The following PDGFRL variants were observed in gnomAD, a reference collection of about 807,000 sequenced individuals.
PDGFRL encodes platelet-derived growth factor receptor-like protein.
In PDGFRL, 46 loss-of-function variants were observed where a neutral mutation model predicts 37.2. The observed-to-expected ratio is 1.24, with a 90% CI of 0.98 to 1.58. PDGFRL has a LOEUF of 1.58. PDGFRL is among the 40% of genes most tolerant of loss of function. The pLI is 0.00. For missense variants in PDGFRL, 692 were observed against 467.6 expected (o/e 1.48, Z -4.43); for synonymous variants, 251 against 184.3 (o/e 1.36, Z -2.93).
intron 3 of PDGFRL, among the ~76,000 whole-genome samples, chr8:17,624,437 A>G (rs1804693458): frequency 6.6e-6 from 1 of 152,186 alleles, no homozygotes. Flanking sequence ...TTGTAGTATA[A>G]CATATGTAAA....
chr8:17,628,710 G>A lies in PDGFRL; in HGVS notation c.729G>A (p.Val243=). 1.2e-6 allele frequency: 2 copies of A among 1,614,074 alleles called. No homozygotes were observed. Among genetic ancestry groups the A allele is most frequent in the South Asian group, 1.1e-5 (1 of 91,068 alleles). Residue 243 remains valine (V), a synonymous_variant, in exon 4 of 6, where the codon GTG becomes GTA. Transcript: ENST00000251630. Reference sequence around the variant, plus strand: ...AACCTCATTCCGAGCACCAGGGTGTGGTTTACTGCAGGGCGGAGGCCGGGG... The same window carrying A: ...AACCTCATTCCGAGCACCAGGGTGTAGTTTACTGCAGGGCGGAGGCCGGGG... ...YLQPHSEHQG[V]VYCRAEAGGR... is the part of the protein sequence containing the mutation.
intron 2 of PDGFRL, among the ~76,000 whole-genome samples, chr8:17,608,259 A>T (rs753151903): frequency 1.3e-5 from 2 of 152,228 alleles, no homozygotes; most frequent in Non-Finnish European, 2.9e-5. Flanking sequence ...ATCCCAGATG[A>T]GATCTGGTGT....
rs1444717779 is a variant in PDGFRL, at chr8:17,628,619, C to T, written c.638C>T (p.Ala213Val). The change falls in exon 4 of 6, where the codon GCC (alanine) becomes GTC (valine). Residue 213 changes from alanine to valine, a missense_variant. Transcript: ENST00000251630. Reference sequence around the variant, plus strand: ...GTCACGCTCCACAGGGAATTCCCAGCCAAGGAGATCCCAGCCAATGGAACG... The same window carrying T: ...GTCACGCTCCACAGGGAATTCCCAGTCAAGGAGATCCCAGCCAATGGAACG... ...AKVTLHREFP[A>V]KEIPANGTDI... is the part of the protein sequence containing the mutation. 1 of 1,614,150 alleles carries T rather than the reference C, an allele frequency of 6.2e-7. No individual in the cohort carries two copies. The highest frequency in any genetic ancestry group is 8.5e-7 in the Non-Finnish European group (1 of 1,180,008).
chr8:17,599,214 C>T (rs563198819), intron 2 of PDGFRL, among the ~76,000 whole-genome samples: 2 of 152,130 alleles, frequency 1.3e-5, no homozygotes, highest in African/African-American at 4.8e-5. Context: ...TGTGAGCCAT[C>T]AGATCCTGGT....
At chr8:17,618,598 G>T (rs1211797548) in intron 2 of PDGFRL, among the ~76,000 whole-genome samples, 1 of 152,202 alleles carries the variant, frequency 6.6e-6, no homozygotes, top group East Asian at 1.9e-4. Flanking sequence ...TTCACAAGCT[G>T]TGGGTTTCAG....
At chr8:17,583,791 C>T (rs542181622) in intron 1 of PDGFRL, among the ~76,000 whole-genome samples, 1 of 151,998 alleles carries the variant, frequency 6.6e-6, no homozygotes, top group African/African-American at 2.4e-5. Context: ...CACCTCCCCT[C>T]TCTCTCTCTC....
intron 2 of PDGFRL, among the ~76,000 whole-genome samples, chr8:17,590,787 T>C (rs943394727): frequency 6.6e-6 from 1 of 152,072 alleles, no homozygotes; most frequent in South Asian, 2.1e-4. Context: ...GTAATCATAA[T>C]GAAAACTGAA....
chr8:17,607,531 C>T (rs927520793), intron 2 of PDGFRL, among the ~76,000 whole-genome samples: 6 of 152,134 alleles, frequency 3.9e-5, no homozygotes, highest in Non-Finnish European at 7.4e-5. Flanking sequence ...AATGACAATA[C>T]AGTCAAGCTA....
chr8:17,641,895 G>GCCCCCGCCCCC (rs1563534458), intron 5 of PDGFRL, among the ~76,000 whole-genome samples: 1 of 2,590 alleles, frequency 3.9e-4, no homozygotes. Flanking sequence ...TTCAATAGAG[G>GCCCCCGCCCCC]TCCCCGCCAC....
At chr8:17,616,246 G>A (rs538377986) in intron 2 of PDGFRL, among the ~76,000 whole-genome samples, 1 of 152,038 alleles carries the variant, frequency 6.6e-6, no homozygotes, top group East Asian at 1.9e-4. Context: ...CCAGGCCGGA[G>A]TGCAGTGCCG....
intron 2 of PDGFRL, among the ~76,000 whole-genome samples, chr8:17,612,236 C>T (rs1371419126): frequency 9.2e-5 from 14 of 152,218 alleles, no homozygotes; most frequent in Non-Finnish European, 2.1e-4. Flanking sequence ...TATTTAAATA[C>T]ACATGAGCCC....
chr8:17,595,604 G>A (rs879738486), intron 2 of PDGFRL, among the ~76,000 whole-genome samples: 1 of 152,186 alleles, frequency 6.6e-6, no homozygotes, highest in Non-Finnish European at 1.5e-5. Flanking sequence ...CTGCGTGGCT[G>A]AGCCCAGGGC....
intron 5 of PDGFRL, among the ~76,000 whole-genome samples, chr8:17,634,774 T>G (rs1423431180): frequency 6.6e-6 from 1 of 151,862 alleles, no homozygotes; most frequent in Non-Finnish European, 1.5e-5. Context: ...ATGATTAGAC[T>G]ACATGGACAT....
intron 3 of PDGFRL, among the ~76,000 whole-genome samples, chr8:17,626,709 A>G (rs1246043007): frequency 6.6e-6 from 1 of 152,194 alleles, no homozygotes; most frequent in Non-Finnish European, 1.5e-5. Context: ...AATGATCCAG[A>G]AAAACAAAGG....
rs563221285 is a variant in PDGFRL at position 17,579,054 on chromosome 8, C to T, written c.55+1747C>T. 3.0e-4 allele frequency among the ~76,000 whole-genome samples: 45 copies of T among 152,046 alleles called. No individual in the cohort carries two copies. The East Asian group carries it at 5.2e-3, about 18-fold the overall frequency. ...CTCTACTAAAAATATAAAAATTAGC[C>T]GGGCGTGGTGGTGGGCACGTGTAAT... On this transcript the variant is annotated intron_variant, in intron 1 of 5. Transcript: ENST00000251630.
chr8:17,619,991 C>T (rs774436519), intron 2 of PDGFRL, among the ~76,000 whole-genome samples: 1 of 152,190 alleles, frequency 6.6e-6, no homozygotes, highest in Non-Finnish European at 1.5e-5. Flanking sequence ...GAGACAGGGT[C>T]TTGCTCTGTC....
chr8:17,599,061 A>C (rs1169208146), intron 2 of PDGFRL, among the ~76,000 whole-genome samples: 1 of 152,228 alleles, frequency 6.6e-6, no homozygotes, highest in African/African-American at 2.4e-5. Flanking sequence ...TTGACCTCAT[A>C]GAGCCGTTAG....
chr8:17,631,371 G>C (rs1274527033), intron 4 of PDGFRL, among the ~76,000 whole-genome samples: 1 of 152,142 alleles, frequency 6.6e-6, no homozygotes, highest in Non-Finnish European at 1.5e-5. Flanking sequence ...CAGCCACCCT[G>C]TCGGGGGGAT....
In PDGFRL at chr8:17,591,337, T is replaced by C. The variant is rs181823040; in HGVS notation, c.353+1572T>C. 5.1e-4 allele frequency among the ~76,000 whole-genome samples: 78 copies of C among 152,152 alleles called. 1 individual carries two copies. Among genetic ancestry groups the C allele is most frequent in the Admixed American group, 2.2e-3 (33 of 15,290 alleles). On this transcript the variant is annotated intron_variant, in intron 2 of 5. Transcript: ENST00000251630. ...TGGTTACCATGGTGACAGCGGCAAG[T>C]GTGAGAAGCAAGAAAGAAACACGTG...
Sources: allele counts gnomAD v4.1 joint callset (sites outside exome capture counted in the v4.1 genomes callset), GRCh38; gene constraint gnomAD v4.1.1; transcripts MANE v1.5; gene names NCBI Gene and HGNC (gene_info 2026-07-23, HGNC 2026-07-21).